Variants in ADAMTS3 observed in about 807,000 individuals in gnomAD.
ADAMTS3 encodes A disintegrin and metalloproteinase with thrombospondin motifs 3.
Under a neutral mutation model 129.0 loss-of-function variants are expected in ADAMTS3, and 73 were observed. The observed-to-expected ratio is 0.57, with a 90% CI of 0.47 to 0.69. ADAMTS3 has a LOEUF of 0.69. ADAMTS3 is among the 30% of genes least tolerant of loss of function. The pLI is 0.00. For missense variants in ADAMTS3, 1,457 were observed against 1,514.5 expected, an observed-to-expected ratio of 0.96 and a Z score of 0.63; for synonymous variants, 477 against 510.8, an observed-to-expected ratio of 0.93 and a Z score of 0.89.
chr4:72,491,213 TTTG>T (rs1719735219), intron 3 of ADAMTS3, among the ~76,000 whole-genome samples: 3 of 151,930 alleles, frequency 2.0e-5, no homozygotes, highest in South Asian at 4.1e-4. Flanking sequence ...CTAACAGAAT[TTTG>T]TTGTTGTTCA....
intron 6 of ADAMTS3, among the ~76,000 whole-genome samples, chr4:72,321,953 A>C (rs1452457014): frequency 6.6e-6 from 1 of 152,168 alleles, no homozygotes; most frequent in African/African-American, 2.4e-5. Context: ...CACACTTCTC[A>C]GAGTAGTTCT....
chr4:72,296,037 TAC>T (rs1195617418), intron 18 of ADAMTS3, among the ~76,000 whole-genome samples: 1 of 152,038 alleles, frequency 6.6e-6, no homozygotes, highest in African/African-American at 2.4e-5. Context: ...ACTCTAAATA[TAC>T]ACAGTCTAGC....
Position 72,312,328 on chromosome 4 carries a change from A to G in ADAMTS3, c.1884T>C (p.Asn628=), listed in dbSNP as rs1023671352. 3 of 1,613,604 alleles carry G rather than the reference A, an allele frequency of 1.9e-6. No homozygotes were observed. Among genetic ancestry groups the G allele is most frequent in the Non-Finnish European group, 1.7e-6 (2 of 1,179,750 alleles). ...QQRNSHFEYQ[N]TKHHWLPYEH... is the part of the protein sequence containing the mutation. Reference sequence around the variant, plus strand: ...CATATGGCAACCAGTGGTGTTTGGTATTCTGGTATTCAAAGTGGGAGTTTC... The same window carrying G: ...CATATGGCAACCAGTGGTGTTTGGTGTTCTGGTATTCAAAGTGGGAGTTTC... Residue 628 remains asparagine (N), a synonymous_variant, in exon 13 of 22, where the codon AAT becomes AAC. Transcript: ENST00000286657.
intron 4 of ADAMTS3, among the ~76,000 whole-genome samples, chr4:72,370,454 G>A (rs561582022): frequency 2.4e-4 from 36 of 152,026 alleles, no homozygotes; most frequent in Middle Eastern, 6.8e-3. Flanking sequence ...TTATATCTGC[G>A]CTGCCATTTA....
In ADAMTS3 at chr4:72,425,999, C is replaced by T. The variant is rs183986353; in HGVS notation, c.505-11028G>A. Reference sequence around the variant, plus strand: ...TCCACATCCTCTCTAGCACCTGTTGCTTCCTGACTTTTTAATGATTGCCAT... The same window carrying T: ...TCCACATCCTCTCTAGCACCTGTTGTTTCCTGACTTTTTAATGATTGCCAT... On this transcript the variant is annotated intron_variant, in intron 3 of 21. Transcript: ENST00000286657. 3.5e-3 allele frequency among the ~76,000 whole-genome samples: 540 copies of T among 152,166 alleles called. 4 individuals carry two copies. The highest frequency in any genetic ancestry group is 5.0e-3 in the Non-Finnish European group (337 of 67,988).
chr4:72,364,158 T>C (rs1351082242), intron 4 of ADAMTS3, among the ~76,000 whole-genome samples: 1 of 151,894 alleles, frequency 6.6e-6, no homozygotes, highest in Non-Finnish European at 1.5e-5. Context: ...CCAATAAACA[T>C]GAAAAATTCC....
rs1718390816 is a variant in ADAMTS3, at chr4:72,282,986, A to G, written c.*150T>C. 1 of 638,588 alleles carries G rather than the reference A, an allele frequency of 1.6e-6. No homozygotes were observed. The highest frequency in any genetic ancestry group is 2.6e-6 in the Non-Finnish European group (1 of 381,342). The allele number at this position is 638,588 out of a possible 1,614,324, so 39.6% of individuals were successfully genotyped here. A position where few individuals can be genotyped will look rare whatever the true frequency, so the allele number is the denominator to read the frequency against. ...ACAAAAGGAGGATGAAAGCAACTAG[A>G]AAGTGAGCCAGCACTTTCTGTTCTT... On this transcript the variant is annotated 3_prime_UTR_variant, in exon 22 of 22. Transcript: ENST00000286657.
chr4:72,384,304 T>C (rs1721378910), intron 4 of ADAMTS3, among the ~76,000 whole-genome samples: 1 of 152,088 alleles, frequency 6.6e-6, no homozygotes, highest in Non-Finnish European at 1.5e-5. Context: ...TATTTACAAA[T>C]TCAAAAAGTT....
At chr4:72,444,745 T>C (rs1243017811) in intron 3 of ADAMTS3, among the ~76,000 whole-genome samples, 1 of 151,750 alleles carries the variant, frequency 6.6e-6, no homozygotes, top group Non-Finnish European at 1.5e-5. Flanking sequence ...AAGAGATGAA[T>C]TCAGATTACA....
chr4:72,489,456 T>A (rs191348181), intron 3 of ADAMTS3, among the ~76,000 whole-genome samples: 1 of 152,094 alleles, frequency 6.6e-6, no homozygotes, highest in African/African-American at 2.4e-5. Context: ...ACATGAATCA[T>A]TCCTTTGTCC....
intron 3 of ADAMTS3, among the ~76,000 whole-genome samples, chr4:72,515,020 A>G (rs1407801453): frequency 4.0e-5 from 6 of 151,888 alleles, no homozygotes; most frequent in Admixed American, 2.0e-4. Flanking sequence ...AGAGTGTAAT[A>G]TTCCCCTTCC....
At chr4:72,316,080 C>G (rs1719388395) in intron 10 of ADAMTS3, 109 bp from the exon 11 acceptor site, 1 of 511,060 alleles carries the variant, frequency 2.0e-6, no homozygotes. Flanking sequence ...GTGTTTATTT[C>G]AAGTTAATAG....
intron 3 of ADAMTS3, among the ~76,000 whole-genome samples, chr4:72,517,603 G>T (rs1366000855): frequency 3.9e-5 from 6 of 152,174 alleles, no homozygotes; most frequent in Non-Finnish European, 7.3e-5. Context: ...ATTTCTTCTA[G>T]ATTTTCTACT....
At chr4:72,284,278 C>T (rs547710671) in intron 21 of ADAMTS3, among the ~76,000 whole-genome samples, 31 of 152,060 alleles carry the variant, frequency 2.0e-4, no homozygotes, top group Middle Eastern at 6.8e-3. Context: ...GCCGTCTCTA[C>T]TAAAAATACA....
At chr4:72,529,787 A>C (rs1411309267) in intron 3 of ADAMTS3, among the ~76,000 whole-genome samples, 1 of 99,006 alleles carries the variant, frequency 1.0e-5, no homozygotes, top group Non-Finnish European at 1.9e-5. Flanking sequence ...AATATATGAT[A>C]TAATTTAATA....
chr4:72,431,059 CAACCATGGAGCAA>C (rs1320057217), intron 3 of ADAMTS3, among the ~76,000 whole-genome samples: 1 of 151,574 alleles, frequency 6.6e-6, no homozygotes, highest in East Asian at 2.0e-4. Flanking sequence ...CTTATTAGAA[CAACCATGGAGCAA>C]AACAGAAATC....
intron 2 of ADAMTS3, among the ~76,000 whole-genome samples, chr4:72,565,854 C>T (rs185988405): frequency 3.9e-5 from 6 of 152,182 alleles, no homozygotes; most frequent in Admixed American, 3.9e-4. Context: ...ATGAGAGCAT[C>T]CTAATTCTAT....
intron 3 of ADAMTS3, among the ~76,000 whole-genome samples, chr4:72,432,698 A>G (rs945317978): frequency 2.6e-5 from 4 of 151,944 alleles, no homozygotes; most frequent in African/African-American, 9.7e-5. Flanking sequence ...CTTGGGAATC[A>G]CCTTGAGACT....
intron 3 of ADAMTS3, among the ~76,000 whole-genome samples, chr4:72,461,415 T>C (rs1718768391): frequency 6.6e-6 from 1 of 151,692 alleles, no homozygotes; most frequent in Non-Finnish European, 1.5e-5. Flanking sequence ...ACACCCTCCT[T>C]AAACATTTTT....
Sources: gnomAD v4.1 joint callset for allele counts (sites outside exome capture counted in the v4.1 genomes callset) on GRCh38, gnomAD v4.1.1 for gene constraint, MANE v1.5 for transcripts, NCBI Gene and HGNC (gene_info 2026-07-23, HGNC 2026-07-21) for gene names.